SPG7: variants seen among roughly 807,000 people sequenced by gnomAD.
SPG7 encodes mitochondrial inner membrane m-AAA protease component paraplegin.
SPG7 carries 103 observed loss-of-function variants against 81.9 expected under a neutral mutation model. The observed-to-expected ratio is 1.26, with a 90% confidence interval of 1.07 to 1.48. The LOEUF is 1.48. Ranked by LOEUF, SPG7 falls within the 40% of genes most tolerant of loss-of-function variation. The pLI, the probability that SPG7 is intolerant of heterozygous loss-of-function variation, is 0.00. For missense variants in SPG7, 1,241 were observed against 1,087.3 expected, an observed-to-expected ratio of 1.14 and a Z score of -1.99; for synonymous variants, 534 against 444.2, an observed-to-expected ratio of 1.20 and a Z score of -2.54.
chr16:89,529,211 C>A, intron 5 of SPG7: 1 of 530,056 alleles, frequency 1.9e-6, no homozygotes, highest in East Asian at 3.4e-5. Context: ...AAAACCTGAA[C>A]GTTGTTATTG....
At chr16:89,515,155 C>G (rs2152395688) in intron 3 of SPG7, among the ~76,000 whole-genome samples, 1 of 151,800 alleles carries the variant, frequency 6.6e-6, no homozygotes, top group East Asian at 1.9e-4. Flanking sequence ...CCAGGATGGT[C>G]TCAATCTCCT....
At chr16:89,555,900 G>GA in intron 16 of SPG7, 1 of 398,804 alleles carries the variant, frequency 2.5e-6, no homozygotes. Flanking sequence ...GTCACGTGGG[G>GA]ATCGTGTTTG....
intron 6 of SPG7, 183 bp downstream of exon 6, chr16:89,529,762 T>C (rs2058315734): frequency 1.5e-6 from 1 of 663,622 alleles, no homozygotes; most frequent in African/African-American, 1.8e-5. Context: ...TAGTAACCAA[T>C]GTTGCCTGAG....
intron 9 of SPG7, chr16:89,540,773 C>G: frequency 2.1e-6 from 1 of 473,530 alleles, no homozygotes; most frequent in Non-Finnish European, 2.8e-6. Context: ...ATGCGCTCAC[C>G]ACATGACCCC....
At chr16:89,547,856 G>A in intron 11 of SPG7, 147 bp from the exon 12 acceptor site, 1 of 711,798 alleles carries the variant, frequency 1.4e-6, no homozygotes, top group Admixed American at 1.9e-5. Context: ...CAGGTGATCT[G>A]CCCACCTCAG....
At chr16:89,545,962 G>C (rs2058558339) in intron 10 of SPG7, 1 of 448,016 alleles carries the variant, frequency 2.2e-6, no homozygotes, top group Admixed American at 2.4e-5. Context: ...AAGCTGAGGA[G>C]CTAGGACTAC....
At position 89,554,524 on chromosome 16, in the gene SPG7, C is replaced by A; in HGVS notation, c.2142C>A (p.Thr714=). ...TGGTGGCCAAGGCCTACAGACACAC[C>A]GAGAAGGTGCTGCAGGACAACCTGG... is the stretch of plus-strand genomic sequence containing the variant. ...RLLVAKAYRH[T]EKVLQDNLDK... is the part of the protein sequence containing the mutation. The change falls in exon 16 of 17, where the codon ACC becomes ACA. Residue 714 remains threonine, a synonymous_variant. Transcript: ENST00000645818. 1.2e-6 allele frequency: 2 copies of A among 1,609,628 alleles called. No individual in the cohort carries two copies. The highest frequency in any genetic ancestry group is 8.5e-7 in the Non-Finnish European group (1 of 1,179,884).
chr16:89,528,599 T>A (rs1045058314), intron 5 of SPG7: 3 of 148,490 alleles, frequency 2.0e-5, no homozygotes, highest in African/African-American at 7.5e-5. Context: ...AGTCCTGGGA[T>A]TTGCTTTTTT....
At chr16:89,535,668 C>T (rs549157187) in intron 9 of SPG7, among the ~76,000 whole-genome samples, 2 of 152,306 alleles carry the variant, frequency 1.3e-5, no homozygotes, top group South Asian at 2.1e-4. Context: ...AGGAGAGACC[C>T]GTCCTCAGAG....
At chr16:89,509,042 C>G in intron 1 of SPG7, 1 of 440,212 alleles carries the variant, frequency 2.3e-6, no homozygotes, top group Admixed American at 2.4e-5. Flanking sequence ...CCGCAAAATA[C>G]CCTGTAGCTG....
chr16:89,546,941 C>T (rs2058571951), intron 11 of SPG7, 181 bp downstream of exon 11: 2 of 619,034 alleles, frequency 3.2e-6, no homozygotes, highest in Non-Finnish European at 5.9e-6. Flanking sequence ...GTCCAGACGG[C>T]ACCCGCACTC....
At chr16:89,509,644 A>G (rs1220497753) in intron 1 of SPG7, among the ~76,000 whole-genome samples, 3 of 152,186 alleles carry the variant, frequency 2.0e-5, no homozygotes, top group African/African-American at 4.8e-5. Context: ...AATGTTCTAC[A>G]AGGAGCCACT....
At chr16:89,551,872 CAG>C (rs2058637303) in intron 13 of SPG7, 1 of 151,930 alleles carries the variant, frequency 6.6e-6, no homozygotes, top group South Asian at 2.1e-4. Flanking sequence ...GCCTGGGTGA[CAG>C]AGCAAGACTG....
intron 7 of SPG7, 200 bp downstream of exon 7, chr16:89,531,008 C>A: frequency 1.4e-6 from 1 of 707,984 alleles, no homozygotes; most frequent in Non-Finnish European, 2.5e-6. Flanking sequence ...CATGGTTCAG[C>A]CAAGCAGAGG....
intron 10 of SPG7, chr16:89,545,655 A>AGGG (rs2058554924): frequency 4.2e-5 from 11 of 263,224 alleles, no homozygotes; most frequent in South Asian, 3.2e-4. Context: ...TCTCCAGGGG[A>AGGG]CACGGCTTCT....
chr16:89,550,679 T>C, intron 13 of SPG7, 70 bp downstream of exon 13: 3 of 1,043,678 alleles, frequency 2.9e-6, no homozygotes, highest in Non-Finnish European at 4.4e-6. Flanking sequence ...CCTGTGTCTG[T>C]AGCTGACTGG....
At chr16:89,531,710 A>T (rs1037184519) in intron 7 of SPG7, 194 bp from the exon 8 acceptor site, 6 of 618,486 alleles carry the variant, frequency 9.7e-6, no homozygotes, top group Non-Finnish European at 1.2e-5. Context: ...GCGTGGTGCC[A>T]CATGCCTGTA....
At chr16:89,532,824 C>G in intron 9 of SPG7, 188 bp downstream of exon 9, 1 of 696,650 alleles carries the variant, frequency 1.4e-6, no homozygotes, top group South Asian at 1.7e-5. Context: ...TGGCTCACGC[C>G]TGTAATCCCA....
chr16:89,518,560 G>A lies in SPG7; in HGVS notation c.377-5446G>A, dbSNP rs533885237. 9.9e-5 allele frequency: 15 copies of A among 151,080 alleles called. No individual in the cohort carries two copies. The South Asian group carries it at 1.5e-3, about 15-fold the overall frequency. The allele number at this position is 151,080 out of a possible 1,614,324, so 9.4% of individuals were successfully genotyped here. On this transcript the variant is annotated intron_variant, in intron 3 of 16. Transcript: ENST00000645818. The stretch of plus-strand genomic sequence containing the variant: ...TTACACAGAGTGGAAAAAAGACTCC[G>A]CTCACTGATAACGCGGGTGAACCCA...
Sources: gnomAD v4.1 joint callset for allele counts (sites outside exome capture counted in the v4.1 genomes callset) on GRCh38, gnomAD v4.1.1 for gene constraint, MANE v1.5 for transcripts, NCBI Gene and HGNC (gene_info 2026-07-23, HGNC 2026-07-21) for gene names.